Variants in ATP6V0E2 observed in about 807,000 individuals in gnomAD.
ATP6V0E2 encodes V-type proton ATPase subunit e 2.
In ATP6V0E2, 4 loss-of-function variants were observed where a neutral mutation model predicts 11.5. That is an observed-to-expected ratio of 0.35 (90% CI 0.17 to 0.80). The LOEUF is 0.80. Ranked by LOEUF, ATP6V0E2 falls within the 30% of genes least tolerant of loss-of-function variation. The pLI is 0.53. For missense variants in ATP6V0E2, 93 were observed against 113.5 expected, an observed-to-expected ratio of 0.82 and a Z score of 0.82; for synonymous variants, 52 against 51.0, an observed-to-expected ratio of 1.02 and a Z score of -0.09.
Position 149,874,021 on chromosome 7 carries a change from C to G in ATP6V0E2, c.-45C>G. On this transcript the variant is annotated 5_prime_UTR_variant, in exon 1 of 4. Coordinates refer to ENST00000425642, the MANE Select transcript of ATP6V0E2 (RefSeq NM_145230.4). ...CTGGGGACCCGCGCACCTGCAGCGCCCGCTGCTCGGCCCTGCATCCTGCCT... is the reference window on the plus strand; with the variant it reads ...CTGGGGACCCGCGCACCTGCAGCGCGCGCTGCTCGGCCCTGCATCCTGCCT... The G allele has an allele frequency of 1.3e-6, 2 of 1,547,960 alleles. No individual in the cohort carries two copies. The highest frequency in any genetic ancestry group is 1.7e-6 in the Non-Finnish European group (2 of 1,146,060).
Position 149,879,327 on chromosome 7 carries a change from C to T in ATP6V0E2, c.*20-8C>T. ...GGCCGGGACCCTTCCATGTGATGTGCTTTTCAGGTGCCCAGCTCTCGGAAT... is the reference window on the plus strand; with the variant it reads ...GGCCGGGACCCTTCCATGTGATGTGTTTTTCAGGTGCCCAGCTCTCGGAAT... On this transcript the variant is annotated splice_region_variant and splice_polypyrimidine_tract_variant and intron_variant, in intron 3 of 3. Transcript: ENST00000425642. 2 of 1,523,132 alleles carry T rather than the reference C, an allele frequency of 1.3e-6. No homozygotes were observed. The highest frequency in any genetic ancestry group is 1.3e-5 in the South Asian group (1 of 76,310). The allele number at this position is 1,523,132 out of a possible 1,614,324, so 94.4% of individuals were successfully genotyped here. A position where few individuals can be genotyped will look rare whatever the true frequency, so the allele number is the denominator to read the frequency against.
chr7:149,875,675 A>C, intron 2 of ATP6V0E2, 30 bp downstream of exon 2: 1 of 1,607,872 alleles, frequency 6.2e-7, no homozygotes, highest in Non-Finnish European at 8.5e-7. Flanking sequence ...GCTCAAAGTC[A>C]GCCAGTTCCT....
Position 149,879,903 on chromosome 7 carries a change from C to T in ATP6V0E2, c.*588C>T, listed in dbSNP as rs915620349. ...ATTCACACACAAAAAGCAACATAGT[C>T]ATGTGGGTCCAGATGGCCTCAGTCC... On this transcript the variant is annotated 3_prime_UTR_variant, in exon 4 of 4. Coordinates refer to ENST00000425642, the MANE Select transcript of ATP6V0E2 (RefSeq NM_145230.4). 2 of 390,538 alleles carry T rather than the reference C, an allele frequency of 5.1e-6. No homozygotes were observed. The allele number at this position is 390,538 out of a possible 1,614,324, so 24.2% of individuals were successfully genotyped here. A position where few individuals can be genotyped will look rare whatever the true frequency, so the allele number is the denominator to read the frequency against.
At chr7:149,876,450 C>T (rs1803146418) in intron 2 of ATP6V0E2, among the ~76,000 whole-genome samples, 2 of 152,166 alleles carry the variant, frequency 1.3e-5, no homozygotes, top group South Asian at 4.2e-4. Context: ...AAGAACATTC[C>T]AAGGGACTTG....
chr7:149,873,884 G>A (rs1361155812), upstream of ATP6V0E2: 15 of 1,490,742 alleles, frequency 1.0e-5, no homozygotes, highest in Non-Finnish European at 1.3e-5. Context: ...TCCTAGGCAG[G>A]TCCTGAGTGA....
chr7:149,876,989 A>C (rs116641146), intron 2 of ATP6V0E2, among the ~76,000 whole-genome samples: 2 of 152,190 alleles, frequency 1.3e-5, no homozygotes, highest in African/African-American at 4.8e-5. Flanking sequence ...CATAGTTAAA[A>C]TTGTTTTATC....
rs1461014580 is a variant in ATP6V0E2 at position 149,880,019 on chromosome 7, C to T, written c.*704C>T. 3 of 199,326 alleles carry T rather than the reference C, an allele frequency of 1.5e-5. No individual in the cohort carries two copies. The highest frequency in any genetic ancestry group is 2.3e-5 in the African/African-American group (1 of 43,260). 12.3% of individuals were successfully genotyped at this position (199,326 alleles called of 1,614,324 possible). A position where few individuals can be genotyped will look rare whatever the true frequency, so the allele number is the denominator to read the frequency against. On this transcript the variant is annotated 3_prime_UTR_variant, in exon 4 of 4. Transcript: ENST00000425642. ...TCCCTCAGTGGATGTCTTCCCTCCC[C>T]CGACCCCAGCCTGTCAGTCCGAGCA...
chr7:149,876,009 T>A, intron 2 of ATP6V0E2: 1 of 470,536 alleles, frequency 2.1e-6, no homozygotes, highest in African/African-American at 2.1e-5. Flanking sequence ...AAATTACAAC[T>A]CTCGAGATCT....
intron 3 of ATP6V0E2, 90 bp downstream of exon 3, chr7:149,878,880 A>AAAGAAAAGG: frequency 2.0e-6 from 1 of 498,480 alleles, no homozygotes; most frequent in South Asian, 2.7e-5. Context: ...ATTATTTTGG[A>AAAGAAAAGG]TGCGGCCAAC....
At chr7:149,878,555 C>T (rs1803274580) in intron 2 of ATP6V0E2, 123 bp from the exon 3 acceptor site, 2 of 763,436 alleles carry the variant, frequency 2.6e-6, no homozygotes, top group Admixed American at 2.8e-5. Flanking sequence ...CTTCTTCACC[C>T]TGGGAACACA....
upstream of ATP6V0E2, chr7:149,873,755 T>C (rs1802957105): frequency 1.1e-6 from 1 of 918,316 alleles, no homozygotes; most frequent in East Asian, 3.0e-5. Flanking sequence ...TGACGTTGGC[T>C]GTGCGGGCGC....
chr7:149,878,738 G>A lies in ATP6V0E2; in HGVS notation c.213G>A (p.Glu71=), dbSNP rs550226182. The A allele has an allele frequency of 6.8e-6, 11 of 1,613,260 alleles. No individual in the cohort carries two copies. In the African/African-American group the frequency reaches 9.3e-5, roughly 14 times the overall value. The stretch of plus-strand genomic sequence containing the variant: ...TGTTCGGGCCCCAGCTGAAGAATGA[G>A]ACCATCTGGTACGTGCGCTTCCTGT... ...NPLFGPQLKN[E]TIWYVRFLWE Residue 71 remains glutamate, a synonymous_variant, in exon 3 of 4, where the codon GAG becomes GAA. Transcript: ENST00000425642.
rs767059605 is a variant in ATP6V0E2 at position 149,873,990 on chromosome 7, G to A, written c.-76G>A. 20 of 1,544,572 alleles carry A rather than the reference G, an allele frequency of 1.3e-5. No homozygotes were observed. The highest frequency in any genetic ancestry group is 1.6e-5 in the Non-Finnish European group (18 of 1,145,640). On this transcript the variant is annotated 5_prime_UTR_variant, in exon 1 of 4. Transcript: ENST00000425642. ...TCCTGTTGCGCATGCTCAGCGCGCT[G>A]CCCGGCTGGGGACCCGCGCACCTGC... is the stretch of plus-strand genomic sequence containing the variant.
intron 2 of ATP6V0E2, among the ~76,000 whole-genome samples, chr7:149,877,081 G>GGGTCTTGTCAAGATCCCT (rs71531655): frequency 6.6e-6 from 1 of 151,798 alleles, no homozygotes; most frequent in Non-Finnish European, 1.5e-5. Context: ...GATTGAAATG[G>GGGTCTTGTCAAGATCCCT]GGTCTTGAGA....
At chr7:149,873,769 G>A (rs1444715639), upstream of ATP6V0E2, 34 of 1,100,708 alleles carry the variant, frequency 3.1e-5, 1 homozygote, top group Middle Eastern at 1.2e-3. Flanking sequence ...CGGGCGCGGG[G>A]CTGACGCGGA....
intron 2 of ATP6V0E2, among the ~76,000 whole-genome samples, chr7:149,876,622 CG>C: frequency 6.6e-6 from 1 of 152,182 alleles, no homozygotes; most frequent in Non-Finnish European, 1.5e-5. Flanking sequence ...CCCAAACCTG[CG>C]GTTACATTGC....
intron 2 of ATP6V0E2, 139 bp from the exon 3 acceptor site, chr7:149,878,539 T>C: frequency 1.5e-6 from 1 of 660,840 alleles, no homozygotes. Flanking sequence ...GATGGCTCCC[T>C]GGGCCCTTCT....
chr7:149,874,003 C>T lies in ATP6V0E2; in HGVS notation c.-63C>T, dbSNP rs1292704268. On this transcript the variant is annotated 5_prime_UTR_variant, in exon 1 of 4. Transcript: ENST00000425642. ...GCTCAGCGCGCTGCCCGGCTGGGGACCCGCGCACCTGCAGCGCCCGCTGCT... is the reference window on the plus strand; with the variant it reads ...GCTCAGCGCGCTGCCCGGCTGGGGATCCGCGCACCTGCAGCGCCCGCTGCT... 4 of 1,546,054 alleles carry T rather than the reference C, an allele frequency of 2.6e-6. No individual in the cohort carries two copies. Among genetic ancestry groups the T allele is most frequent in the Admixed American group, 3.9e-5 (2 of 50,914 alleles).
In ATP6V0E2 at chr7:149,878,755, G is replaced by A. The variant is rs765329489; in HGVS notation, c.230G>A (p.Arg77His). Reference protein sequence around the residue: ...QLKNETIWYVRFLWE With the variant: ...QLKNETIWYVHFLWE ...AAGAATGAGACCATCTGGTACGTGC[G>A]CTTCCTGTGGGAGTGACCCGCCGCC... The change falls in exon 3 of 4, where the codon CGC (arginine) becomes CAC (histidine). Residue 77 changes from arginine to histidine, a missense_variant. Transcript: ENST00000425642. 14 of 1,612,948 alleles carry A rather than the reference G, an allele frequency of 8.7e-6. No individual in the cohort carries two copies. The highest frequency in any genetic ancestry group is 4.0e-5 in the African/African-American group (3 of 74,924).
Sources: gnomAD v4.1 joint callset for allele counts (sites outside exome capture counted in the v4.1 genomes callset) on GRCh38, gnomAD v4.1.1 for gene constraint, MANE v1.5 for transcripts, NCBI Gene and HGNC (gene_info 2026-07-23, HGNC 2026-07-21) for gene names.